The following PAPLN variants were observed in gnomAD, a reference collection of about 807,000 sequenced individuals.
The protein encoded by PAPLN is papilin.
Under a neutral mutation model 159.0 loss-of-function variants are expected in PAPLN, and 146 were observed. The observed-to-expected ratio is 0.92, with a 90% CI of 0.80 to 1.05. The LOEUF is 1.05. Ranked by LOEUF, PAPLN falls within the 50% of genes least tolerant of loss-of-function variation. The pLI is 0.00. For synonymous variants in PAPLN, 734 were observed against 702.9 expected (o/e 1.04, Z -0.70); for missense variants, 1,720 against 1,743.9 (o/e 0.99, Z 0.24).
At chr14:73,263,893 CTCCTCCTTT>C in intron 20 of PAPLN, 111 bp downstream of exon 20, 1 of 1,260,914 alleles carries the variant, frequency 7.9e-7, no homozygotes, top group East Asian at 2.7e-5. Flanking sequence ...GACAGACCCC[CTCCTCCTTT>C]GACAGGTGTG....
rs754654990 is a variant in PAPLN at position 73,255,041 on chromosome 14, G to A, written c.1627+23G>A. 13 of 1,602,828 alleles carry A rather than the reference G, an allele frequency of 8.1e-6. No homozygotes were observed. The South Asian group carries it at 1.4e-4, about 18-fold the overall frequency. ...AGGGTAAGGACAGGAGGGCAGGGAG[G>A]AGTCCGGCCTCTGACCTCTCTCCCA... On this transcript the variant is annotated intron_variant, in intron 14 of 26. Transcript: ENST00000644200.
intron 11 of PAPLN, chr14:73,253,331 T>G: frequency 9.3e-7 from 1 of 1,071,840 alleles, no homozygotes; most frequent in Non-Finnish European, 1.3e-6. Context: ...TGGCTTTGCA[T>G]GGGGCCACAG....
At position 73,253,992 on chromosome 14, in the gene PAPLN, C is replaced by T. The variant is rs751007931; in HGVS notation, c.1302+31C>T. The T allele has an allele frequency of 2.5e-6, 4 of 1,587,888 alleles. No individual in the cohort carries two copies. The South Asian group carries it at 4.5e-5, about 18-fold the overall frequency. Reference sequence around the variant, plus strand: ...GCCCCTGGCCCGCATGGGGCTGGTGCTGGACCTGGGTAGCAGCAGGGAAGG... The same window carrying T: ...GCCCCTGGCCCGCATGGGGCTGGTGTTGGACCTGGGTAGCAGCAGGGAAGG... On this transcript the variant is annotated intron_variant, in intron 12 of 26. Coordinates refer to ENST00000644200, the MANE Select transcript of PAPLN (RefSeq NM_001365906.3).
chr14:73,259,037 C>T lies in PAPLN; in HGVS notation c.1686C>T (p.Gly562=), dbSNP rs539293299. The T allele has an allele frequency of 6.2e-7, 1 of 1,611,984 alleles. No homozygotes were observed. Among genetic ancestry groups the T allele is most frequent in the African/African-American group, 1.3e-5 (1 of 74,970 alleles). ...TPASNPWMPL[G]PQESPASDSR... is the part of the protein sequence containing the mutation. Reference sequence around the variant, plus strand: ...CCAGCAACCCCTGGATGCCGTTGGGCCCTCAGGAGTCCCCTGCCTCAGGTG... The same window carrying T: ...CCAGCAACCCCTGGATGCCGTTGGGTCCTCAGGAGTCCCCTGCCTCAGGTG... Residue 562 remains glycine, a synonymous_variant, in exon 15 of 27, where the codon GGC becomes GGT. Transcript: ENST00000644200.
chr14:73,252,275 G>C, intron 10 of PAPLN, 134 bp downstream of exon 10: 1 of 1,343,352 alleles, frequency 7.4e-7, no homozygotes, highest in Non-Finnish European at 9.8e-7. Context: ...AGAAATCTCT[G>C]TGTTATGGGG....
chr14:73,269,773 G>A lies in PAPLN; in HGVS notation c.3667+1050G>A, dbSNP rs186901345. On this transcript the variant is annotated intron_variant, in intron 26 of 26. Transcript: ENST00000644200. The stretch of plus-strand genomic sequence containing the variant: ...TTGGGGGAGTATGCCAGGCTCGGAG[G>A]TGCCAGGGCCCTTCCTGCCTGGTCT... Among the ~76,000 whole-genome samples the A allele has an allele frequency of 1.4e-3, 216 of 152,308 alleles. 1 individual carries two copies. Among genetic ancestry groups the A allele is most frequent in the Non-Finnish European group, 7.9e-4 (54 of 68,032 alleles).
At position 73,254,024 on chromosome 14, in the gene PAPLN, G is replaced by A. The variant is rs945982689; in HGVS notation, c.1302+63G>A. ...TGGGTAGCAGCAGGGAAGGGCTGGG[G>A]TCTTGTTCTCTGCTGTGGAAACCGA... On this transcript the variant is annotated intron_variant, in intron 12 of 26. Transcript: ENST00000644200. The A allele has an allele frequency of 4.4e-5, 67 of 1,523,622 alleles. No individual in the cohort carries two copies. The African/African-American group carries it at 8.0e-4, about 18-fold the overall frequency. The allele number at this position is 1,523,622 out of a possible 1,614,324, so 94.4% of individuals were successfully genotyped here.
At position 73,250,909 on chromosome 14, in the gene PAPLN, T is replaced by A. The variant is rs775094299; in HGVS notation, c.468T>A (p.Val156=). 1.1e-5 allele frequency: 17 copies of A among 1,611,812 alleles called. No individual in the cohort carries two copies. The African/African-American group carries it at 1.9e-4, about 18-fold the overall frequency. The stretch of plus-strand genomic sequence containing the variant: ...GCCTCCCGCATCTCTGCCCACAGGT[T>A]GTCGGCTGTGATCACGAGCTGGACT... ...RDVCVDGSCR[V]VGCDHELDSS... is the part of the protein sequence containing the mutation. Residue 156 remains valine (V), a splice_region_variant and synonymous_variant, in exon 7 of 27, where the codon GTT becomes GTA. Transcript: ENST00000644200.
At position 73,274,126 on chromosome 14, in the gene PAPLN, A is replaced by G. The variant is rs1887962908; in HGVS notation, c.*1462A>G. 1 of 152,286 alleles carries G rather than the reference A, an allele frequency of 6.6e-6. No homozygotes were observed. The highest frequency in any genetic ancestry group is 6.5e-5 in the Admixed American group (1 of 15,292). The allele number at this position is 152,286 out of a possible 1,614,324, so 9.4% of individuals were successfully genotyped here. A position where few individuals can be genotyped will look rare whatever the true frequency, so the allele number is the denominator to read the frequency against. On this transcript the variant is annotated 3_prime_UTR_variant, in exon 27 of 27. Coordinates refer to ENST00000644200, the MANE Select transcript of PAPLN (RefSeq NM_001365906.3). Reference sequence around the variant, plus strand: ...CCAAAGACAAATCAGACTGTCAGTCATTAAAAACAGCATTAGCAGGATGAG... The same window carrying G: ...CCAAAGACAAATCAGACTGTCAGTCGTTAAAAACAGCATTAGCAGGATGAG...
rs776966782 is a variant in PAPLN at position 73,244,453 on chromosome 14, A to G, written c.55-191A>G. The stretch of plus-strand genomic sequence containing the variant: ...GCTCTCAGCTCCTTATGAGGAAAGC[A>G]GGCTAATTCTGAAAAGGAATATGTT... On this transcript the variant is annotated intron_variant, in intron 2 of 26. Transcript: ENST00000644200. 2.5e-4 allele frequency: 135 copies of G among 548,106 alleles called. 7 individuals carry two copies. Among genetic ancestry groups the G allele is most frequent in the Non-Finnish European group, 1.8e-4 (55 of 308,102 alleles). The allele number at this position is 548,106 out of a possible 1,614,324, so 34.0% of individuals were successfully genotyped here.
At chr14:73,270,873 G>A (rs76507898) in intron 26 of PAPLN, among the ~76,000 whole-genome samples, 1,780 of 152,178 alleles carry the variant, frequency 0.012, 23 homozygotes, top group Non-Finnish European at 0.017. Flanking sequence ...TACGGTGTGC[G>A]GCTGCCTGAC....
chr14:73,250,877 C>G (rs1445975541), intron 6 of PAPLN, 30 bp from the exon 7 acceptor site: 1 of 1,585,550 alleles, frequency 6.3e-7, no homozygotes, highest in East Asian at 2.3e-5. Context: ...ATGATGCCGT[C>G]TCCCCTGCCT....
At chr14:73,251,413 C>T in intron 7 of PAPLN, 73 bp from the exon 8 acceptor site, 2 of 1,455,264 alleles carry the variant, frequency 1.4e-6, no homozygotes, top group South Asian at 2.4e-5. Flanking sequence ...CTGTGTGGCA[C>T]TTGGAGTCCT....
rs768116615 is a variant in PAPLN at position 73,251,538 on chromosome 14, C to T, written c.642C>T (p.Asp214=). ...VPMGATSILI[D]EAAASRNFLA... is the part of the protein sequence containing the mutation. Reference sequence around the variant, plus strand: ...TGGGTGCCACCAGCATCCTCATCGACGAGGCTGCTGCCAGCAGGAACTTCC... The same window carrying T: ...TGGGTGCCACCAGCATCCTCATCGATGAGGCTGCTGCCAGCAGGAACTTCC... Residue 214 remains aspartate (D), a synonymous_variant, in exon 8 of 27, where the codon GAC becomes GAT. Transcript: ENST00000644200. 1.7e-5 allele frequency: 28 copies of T among 1,612,276 alleles called. No homozygotes were observed. The East Asian group carries it at 2.5e-4, about 14-fold the overall frequency.
At chr14:73,243,224 C>A (rs1383901803) in intron 2 of PAPLN, 1 of 152,266 alleles carries the variant, frequency 6.6e-6, no homozygotes, top group Non-Finnish European at 1.5e-5. Flanking sequence ...GAACTCCTGA[C>A]CTCAGGTGAT....
chr14:73,254,420 C>T, intron 12 of PAPLN, 93 bp from the exon 13 acceptor site: 1 of 1,498,288 alleles, frequency 6.7e-7, no homozygotes, highest in Non-Finnish European at 9.1e-7. Context: ...GTGCTATCTG[C>T]CTCCACACCA....
intron 25 of PAPLN, 43 bp downstream of exon 25, chr14:73,266,874 C>T (rs975414659): frequency 1.9e-6 from 3 of 1,541,300 alleles, no homozygotes; most frequent in Middle Eastern, 1.7e-4. Context: ...CAGACCTTCA[C>T]AACCTCAGGT....
intron 25 of PAPLN, among the ~76,000 whole-genome samples, chr14:73,267,870 C>T (rs556559506): frequency 6.6e-6 from 1 of 152,160 alleles, no homozygotes; most frequent in African/African-American, 2.4e-5. Context: ...CCTCTATGTC[C>T]CTGCAGACCC....
chr14:73,253,208 A>G (rs768273860), intron 11 of PAPLN: 6 of 1,359,498 alleles, frequency 4.4e-6, no homozygotes, highest in South Asian at 2.3e-5. Flanking sequence ...GCTGGGGCCC[A>G]GCGAGTGTGT....
Sources: allele counts gnomAD v4.1 joint callset (sites outside exome capture counted in the v4.1 genomes callset), GRCh38; gene constraint gnomAD v4.1.1; transcripts MANE v1.5; gene names NCBI Gene and HGNC (gene_info 2026-07-23, HGNC 2026-07-21).